Variants in PCP4 observed in about 807,000 individuals in gnomAD.
PCP4 encodes Purkinje cell protein 4, also known as calmodulin regulator protein PCP4.
PCP4 carries 8 observed loss-of-function variants against 10.0 expected under a neutral mutation model. The observed-to-expected ratio is 0.80, with a 90% CI of 0.47 to 1.45. PCP4 has a LOEUF of 1.45. Ranked by LOEUF, PCP4 falls within the 40% of genes most tolerant of loss-of-function variation. The pLI, the probability that PCP4 is intolerant of heterozygous loss-of-function variation, is 0.00. For missense variants in PCP4, 54 were observed against 74.4 expected, an observed-to-expected ratio of 0.73 and a Z score of 1.01; for synonymous variants, 21 against 23.0, an observed-to-expected ratio of 0.91 and a Z score of 0.24.
chr21:39,909,732 T>C (rs898288721), intron 2 of PCP4, among the ~76,000 whole-genome samples: 7 of 152,206 alleles, frequency 4.6e-5, no homozygotes, highest in African/African-American at 1.7e-4. Context: ...GTGAAGGGGA[T>C]GCTTGCTGCT....
intron 1 of PCP4, among the ~76,000 whole-genome samples, chr21:39,888,407 C>T (rs1397461361): frequency 2.0e-5 from 3 of 152,216 alleles, no homozygotes; most frequent in South Asian, 2.1e-4. Context: ...TTGTGGTAAA[C>T]GCTGTCACTG....
chr21:39,889,411 CTTTTTTTTTT>C (rs547540626), intron 1 of PCP4, among the ~76,000 whole-genome samples: 1 of 85,686 alleles, frequency 1.2e-5, no homozygotes, highest in East Asian at 3.2e-4. Context: ...AAACCAAGTT[CTTTTTTTTTT>C]TTTTTTTTTT....
intron 2 of PCP4, among the ~76,000 whole-genome samples, chr21:39,920,344 G>A (rs2087591097): frequency 6.6e-6 from 1 of 150,666 alleles, no homozygotes; most frequent in Admixed American, 6.6e-5. Flanking sequence ...TGGTATGTGT[G>A]TGGTGTGTTT....
intron 1 of PCP4, among the ~76,000 whole-genome samples, chr21:39,891,837 G>A (rs2087433515): frequency 6.6e-6 from 1 of 152,220 alleles, no homozygotes; most frequent in South Asian, 2.1e-4. Flanking sequence ...AAAGATCAAA[G>A]ACTTTAAGAC....
intron 2 of PCP4, among the ~76,000 whole-genome samples, chr21:39,909,294 G>A (rs1762285910): frequency 6.6e-6 from 1 of 152,178 alleles, no homozygotes; most frequent in Admixed American, 6.5e-5. Context: ...TCCTGTATCT[G>A]CTCAGGCTGA....
At chr21:39,891,686 G>A (rs2087432374) in intron 1 of PCP4, among the ~76,000 whole-genome samples, 1 of 152,258 alleles carries the variant, frequency 6.6e-6, no homozygotes, top group African/African-American at 2.4e-5. Flanking sequence ...AGGGGGCAGG[G>A]TAAGGAGGGT....
chr21:39,872,631 G>A (rs2087325848), intron 1 of PCP4, among the ~76,000 whole-genome samples: 2 of 152,198 alleles, frequency 1.3e-5, no homozygotes, highest in Non-Finnish European at 2.9e-5. Context: ...TTGATTAGAA[G>A]CATCCCAGAC....
At chr21:39,885,723 C>T (rs951388101) in intron 1 of PCP4, among the ~76,000 whole-genome samples, 3 of 152,220 alleles carry the variant, frequency 2.0e-5, no homozygotes, top group Non-Finnish European at 2.9e-5. Flanking sequence ...TGGGACAGGA[C>T]GCCAGGACAG....
intron 2 of PCP4, among the ~76,000 whole-genome samples, chr21:39,925,273 T>C (rs1175986058): frequency 1.3e-5 from 2 of 152,180 alleles, no homozygotes; most frequent in Non-Finnish European, 2.9e-5. Context: ...ATGACAATGC[T>C]GCAGGGAGTG....
chr21:39,887,066 G>A (rs2087403731), intron 1 of PCP4, among the ~76,000 whole-genome samples: 1 of 152,092 alleles, frequency 6.6e-6, no homozygotes, highest in Non-Finnish European at 1.5e-5. Context: ...AAATATAGCT[G>A]TGAAAAAAAG....
intron 1 of PCP4, among the ~76,000 whole-genome samples, chr21:39,879,712 C>T (rs573027315): frequency 1.3e-5 from 2 of 152,310 alleles, no homozygotes; most frequent in South Asian, 4.1e-4. Context: ...GTTAAAAACA[C>T]ATCATGGTTC....
intron 2 of PCP4, among the ~76,000 whole-genome samples, chr21:39,912,469 C>T (rs78302667): frequency 5.5e-4 from 84 of 152,060 alleles, no homozygotes; most frequent in Non-Finnish European, 8.7e-4. Flanking sequence ...GGGGATGCTC[C>T]GATGGCACCC....
chr21:39,881,258 T>C (rs1266692195), intron 1 of PCP4, among the ~76,000 whole-genome samples: 2 of 152,142 alleles, frequency 1.3e-5, no homozygotes, highest in Non-Finnish European at 2.9e-5. Flanking sequence ...TTGTTTATTA[T>C]TATACCAAAA....
chr21:39,910,135 T>G (rs2087532428), intron 2 of PCP4, among the ~76,000 whole-genome samples: 1 of 152,156 alleles, frequency 6.6e-6, no homozygotes, highest in African/African-American at 2.4e-5. Context: ...CAATTGGAAA[T>G]CGAATCATGC....
intron 2 of PCP4, among the ~76,000 whole-genome samples, chr21:39,924,473 A>G (rs751476250): frequency 3.3e-5 from 5 of 152,020 alleles, no homozygotes; most frequent in Non-Finnish European, 5.9e-5. Context: ...GTGTGAGGAG[A>G]GAGGCAGCCT....
chr21:39,887,366 T>G (rs1026177090), intron 1 of PCP4, among the ~76,000 whole-genome samples: 15 of 151,830 alleles, frequency 9.9e-5, no homozygotes, highest in Admixed American at 7.9e-4. Context: ...GTTTTTTTTT[T>G]TTTAAAAAAC....
chr21:39,872,282 A>T (rs374919868), intron 1 of PCP4, among the ~76,000 whole-genome samples: 2 of 152,334 alleles, frequency 1.3e-5, no homozygotes, highest in South Asian at 2.1e-4. Context: ...TACAGGTGTG[A>T]GCCACCGCAC....
chr21:39,919,653 A>C (rs544687371), intron 2 of PCP4, among the ~76,000 whole-genome samples: 1 of 151,646 alleles, frequency 6.6e-6, no homozygotes, highest in East Asian at 1.9e-4. Flanking sequence ...GGTGTGTATG[A>C]GTGTGTATGT....
At chr21:39,895,450 C>G (rs2087452477) in intron 1 of PCP4, among the ~76,000 whole-genome samples, 1 of 152,198 alleles carries the variant, frequency 6.6e-6, no homozygotes, top group South Asian at 2.1e-4. Flanking sequence ...ATCTTACTGC[C>G]TCCTAACTCC....
Sources: allele counts gnomAD v4.1 joint callset (sites outside exome capture counted in the v4.1 genomes callset), GRCh38; gene constraint gnomAD v4.1.1; transcripts MANE v1.5; gene names NCBI Gene and HGNC (gene_info 2026-07-23, HGNC 2026-07-21).